Variants in TP53BP2 observed in about 807,000 individuals in gnomAD.
TP53BP2 encodes apoptosis-stimulating of p53 protein 2.
TP53BP2 carries 62 observed loss-of-function variants against 126.2 expected under a neutral mutation model. The ratio of observed to expected loss-of-function variants is 0.49; its 90% CI spans 0.40 to 0.61. The LOEUF (loss-of-function observed/expected upper bound fraction) is 0.61, where lower values mean the gene tolerates loss of function less well. Ranked by LOEUF, TP53BP2 falls within the 20% of genes least tolerant of loss-of-function variation. The pLI is 0.00. For synonymous variants in TP53BP2, 485 were observed against 502.9 expected (o/e 0.96, Z 0.48); for missense variants, 1,215 against 1,402.8 (o/e 0.87, Z 2.14).
At chr1:223,841,269 A>AAATAAATAAATAAATGAATG (rs758647320) in intron 1 of TP53BP2, among the ~76,000 whole-genome samples, 1 of 151,912 alleles carries the variant, frequency 6.6e-6, no homozygotes, top group African/African-American at 2.4e-5. Context: ...ATAAATAAAT[A>AAATAAATAAATAAATGAATG]AAAGAAATAT....
At chr1:223,841,616 A>G (rs1558114206) in intron 1 of TP53BP2, among the ~76,000 whole-genome samples, 1 of 152,228 alleles carries the variant, frequency 6.6e-6, no homozygotes, top group Non-Finnish European at 1.5e-5. Context: ...ATAATAATAC[A>G]AGTATTTAAG....
intron 11 of TP53BP2, among the ~76,000 whole-genome samples, chr1:223,799,425 T>A (rs1259542472): frequency 6.6e-6 from 1 of 152,230 alleles, no homozygotes; most frequent in Non-Finnish European, 1.5e-5. Context: ...TTTACTGTCA[T>A]CTTTCATATT....
chr1:223,803,355 C>A lies in TP53BP2; in HGVS notation c.747G>T (p.Glu249Asp). 6.2e-7 allele frequency: 1 copy of A among 1,614,032 alleles called. No individual in the cohort carries two copies. Among genetic ancestry groups the A allele is most frequent in the Non-Finnish European group, 8.5e-7 (1 of 1,179,940 alleles). The change falls in exon 7 of 18, where the codon GAG becomes GAT. Residue 249 changes from glutamate (E) to aspartate (D), a missense_variant. Physicochemically the swap from Glu to Asp is conservative, Grantham distance 45. Coordinates refer to ENST00000343537, the MANE Select transcript of TP53BP2 (RefSeq NM_001031685.3). Reference protein sequence around the residue: ...SKVEELTRQLEMLKNGRIDSH... With the variant: ...SKVEELTRQLDMLKNGRIDSH... The stretch of plus-strand genomic sequence containing the variant: ...TGTCGATCCTGCCGTTCTTGAGCAT[C>A]TCTAGCTGCCTGGTCAGTTCTTCTA...
intron 8 of TP53BP2, 92 bp downstream of exon 8, chr1:223,802,639 A>G: frequency 7.0e-7 from 1 of 1,425,812 alleles, no homozygotes; most frequent in Non-Finnish European, 9.6e-7. Context: ...CACACTGAGT[A>G]ATGATTCTGA....
Position 223,821,259 on chromosome 1 carries a change from C to T in TP53BP2, c.136G>A (p.Glu46Lys), listed in dbSNP as rs1248488158. The T allele has an allele frequency of 6.2e-6, 10 of 1,613,926 alleles. No individual in the cohort carries two copies. The highest frequency in any genetic ancestry group is 1.3e-5 in the African/African-American group (1 of 74,926). The change falls in exon 2 of 18, where the codon GAG (glutamate) becomes AAG (lysine). Residue 46 changes from glutamate (E) to lysine (K), a missense_variant. Physicochemically the swap from Glu to Lys is moderately conservative, Grantham distance 56. Around this residue, in one of 4 missense-constraint regions of TP53BP2, gnomAD observed 814 missense variants for 853.0 expected, o/e 0.95. Transcript: ENST00000343537. ...ACTTCAGCCAAATGGCAATCACTCTCGCCGGGTTCTTTGCACAGATCCACC... is the reference window on the plus strand; with the variant it reads ...ACTTCAGCCAAATGGCAATCACTCTTGCCGGGTTCTTTGCACAGATCCACC... ...DVVDLCKEPG[E>K]SDCHLAEVWC...
At chr1:223,789,448 G>T (rs1245156138) in intron 15 of TP53BP2, among the ~76,000 whole-genome samples, 1 of 152,164 alleles carries the variant, frequency 6.6e-6, no homozygotes, top group Non-Finnish European at 1.5e-5. Flanking sequence ...AAACAGAAAT[G>T]AAATGTGTAT....
chr1:223,814,313 A>G lies in TP53BP2; in HGVS notation c.216T>C (p.Leu72=). The G allele has an allele frequency of 1.2e-6, 2 of 1,613,980 alleles. No individual in the cohort carries two copies. Among genetic ancestry groups the G allele is most frequent in the Non-Finnish European group, 1.7e-6 (2 of 1,179,848 alleles). ...CGTTCCTCTGACTTCCAAATCGTTG[A>G]AGAACATCAAACATTCGCTCATTAT... ...VADNERMFDV[L]QRFGSQRNEV... The change falls in exon 3 of 18, where the codon CTT becomes CTC. Residue 72 remains leucine, a synonymous_variant. Coordinates refer to ENST00000343537, the MANE Select transcript of TP53BP2 (RefSeq NM_001031685.3).
rs768873870 is a variant in TP53BP2, at chr1:223,793,422, G to A, written c.2743C>T (p.Arg915Cys). ...SLPPGKRTNL[R>C]KTGSERIAHG... ...GCGATACGCTCTGAGCCAGTTTTACGCAAGTTTGTCCTTTTACCCTGCAAA... is the reference window on the plus strand; with the variant it reads ...GCGATACGCTCTGAGCCAGTTTTACACAAGTTTGTCCTTTTACCCTGCAAA... The change falls in exon 14 of 18, where the codon CGT becomes TGT. Residue 915 changes from arginine (R) to cysteine (C), a missense_variant. Transcript: ENST00000343537. The A allele has an allele frequency of 9.4e-6, 15 of 1,593,040 alleles. No individual in the cohort carries two copies. The highest frequency in any genetic ancestry group is 3.6e-5 in the Admixed American group (2 of 55,676).
In TP53BP2 at chr1:223,780,914, A is replaced by T. The variant is rs200534684; in HGVS notation, c.3364-20T>A. ...GTACAGCTGCAAGAGAGTTTAAAAAATTTTACATACTATAATAGATGTGTG... is the reference window on the plus strand; with the variant it reads ...GTACAGCTGCAAGAGAGTTTAAAAATTTTTACATACTATAATAGATGTGTG... On this transcript the variant is annotated intron_variant, in intron 17 of 17. Transcript: ENST00000343537. The T allele has an allele frequency of 3.1e-6, 5 of 1,610,362 alleles. No individual in the cohort carries two copies. Among genetic ancestry groups the T allele is most frequent in the Admixed American group, 1.7e-5 (1 of 59,726 alleles).
chr1:223,837,627 A>G (rs1663966229), intron 1 of TP53BP2, among the ~76,000 whole-genome samples: 1 of 146,786 alleles, frequency 6.8e-6, no homozygotes. Flanking sequence ...TAAAAAATAA[A>G]TAAAATTAAA....
Position 223,802,838 on chromosome 1 carries a change from A to G in TP53BP2, c.889T>C (p.Leu297=). ...NAKLQQQREC[L]NKRNSEVAVM... is the part of the protein sequence containing the mutation. ...GCCACTTCTGAATTACGCTTATTCA[A>G]ACACTCCCTCTGTTGTTGTAGCTTG... is the stretch of plus-strand genomic sequence containing the variant. Residue 297 remains leucine, a synonymous_variant, in exon 8 of 18, where the codon TTG becomes CTG. Transcript: ENST00000343537. 6.2e-7 allele frequency: 1 copy of G among 1,614,172 alleles called. No individual in the cohort carries two copies. The highest frequency in any genetic ancestry group is 8.5e-7 in the Non-Finnish European group (1 of 1,180,018).
chr1:223,834,849 T>C (rs1663866017), intron 1 of TP53BP2: 1 of 985,262 alleles, frequency 1.0e-6, no homozygotes, highest in Non-Finnish European at 1.2e-6. Flanking sequence ...CAGAAGTAAA[T>C]GTTCTCTTTG....
At chr1:223,817,667 T>C (rs1663135065) in intron 2 of TP53BP2, among the ~76,000 whole-genome samples, 1 of 152,218 alleles carries the variant, frequency 6.6e-6, no homozygotes, top group Admixed American at 6.5e-5. Flanking sequence ...GGCTCATGTC[T>C]GTAATCCCAG....
At chr1:223,809,054 A>G (rs889030953) in intron 4 of TP53BP2, among the ~76,000 whole-genome samples, 24 of 152,068 alleles carry the variant, frequency 1.6e-4, no homozygotes, top group Non-Finnish European at 3.2e-4. Context: ...CAGCTTTTTA[A>G]AAATATATAT....
chr1:223,816,295 C>T (rs1242429917), intron 2 of TP53BP2, among the ~76,000 whole-genome samples: 1 of 152,042 alleles, frequency 6.6e-6, no homozygotes, highest in African/African-American at 2.4e-5. Context: ...AGCAAATACA[C>T]GAGTGGGTAG....
intron 2 of TP53BP2, among the ~76,000 whole-genome samples, chr1:223,819,612 G>A (rs1663228720): frequency 1.3e-5 from 2 of 152,068 alleles, no homozygotes; most frequent in African/African-American, 4.8e-5. Flanking sequence ...CGTGAACCTG[G>A]GAGGCAGAGC....
At chr1:223,820,145 G>C (rs1170490107) in intron 2 of TP53BP2, among the ~76,000 whole-genome samples, 1 of 152,200 alleles carries the variant, frequency 6.6e-6, no homozygotes, top group South Asian at 2.1e-4. Context: ...TCTGGAGACA[G>C]AGCAATACAA....
intron 14 of TP53BP2, among the ~76,000 whole-genome samples, chr1:223,793,100 G>A (rs563274249): frequency 2.6e-5 from 4 of 152,028 alleles, no homozygotes; most frequent in Admixed American, 1.3e-4. Context: ...ATTCTAAAGC[G>A]TGCCCAAGAG....
intron 1 of TP53BP2, among the ~76,000 whole-genome samples, chr1:223,842,444 A>G (rs915729993): frequency 1.2e-4 from 18 of 152,228 alleles, no homozygotes; most frequent in Non-Finnish European, 1.8e-4. Context: ...AAAGATACAG[A>G]GCATTTCCAT....
Sources: gnomAD v4.1 joint callset for allele counts (sites outside exome capture counted in the v4.1 genomes callset) on GRCh38, gnomAD v4.1.1 for gene constraint, gnomAD v4.1.1 regional missense constraint, MANE v1.5 for transcripts, NCBI Gene and HGNC (gene_info 2026-07-23, HGNC 2026-07-21) for gene names.